ONECUT2: variants seen among roughly 807,000 people sequenced by gnomAD.
ONECUT2 encodes the protein one cut homeobox 2, also known as one cut domain family member 2.
In ONECUT2, 10 loss-of-function variants were observed where a neutral mutation model predicts 27.9. The observed-to-expected ratio is 0.36, with a 90% CI of 0.22 to 0.61. ONECUT2 has a LOEUF of 0.61. Among genes scored for constraint, ONECUT2 ranks in the 20% least tolerant of loss-of-function variants. The probability of loss-of-function intolerance (pLI) is 0.73; values close to 1 mark genes in which losing one functional copy is unlikely to be tolerated. For synonymous variants in ONECUT2, 334 were observed against 315.1 expected (o/e 1.06, Z -0.64); for missense variants, 686 against 721.0 (o/e 0.95, Z 0.56).
At chr18:57,474,183 G>A (rs1478049863) in intron 1 of ONECUT2, among the ~76,000 whole-genome samples, 1 of 152,202 alleles carries the variant, frequency 6.6e-6, no homozygotes, top group African/African-American at 2.4e-5. Flanking sequence ...TTCCCATTCA[G>A]GGGCTCTCCT....
rs6566883 is a variant in ONECUT2, at chr18:57,479,111, A to G, written c.*2388A>G. ...TGTTCAGAGTCTCATCATCAGGGGAAGGAAAGGGAGTGAGGGTCAGGGATA... is the reference window on the plus strand; with the variant it reads ...TGTTCAGAGTCTCATCATCAGGGGAGGGAAAGGGAGTGAGGGTCAGGGATA... On this transcript the variant is annotated 3_prime_UTR_variant, in exon 2 of 2. Transcript: ENST00000491143. The G allele has an allele frequency of 0.11, 16,862 of 152,506 alleles. 1,993 individuals are homozygous for G. The highest frequency in any genetic ancestry group is 0.37 in the East Asian group (1,901 of 5,160). 9.4% of individuals were successfully genotyped at this position (152,506 alleles called of 1,614,324 possible). A position where few individuals can be genotyped will look rare whatever the true frequency, so the allele number is the denominator to read the frequency against.
chr18:57,465,728 G>T (rs912785038), intron 1 of ONECUT2, among the ~76,000 whole-genome samples: 1 of 152,148 alleles, frequency 6.6e-6, no homozygotes, highest in Admixed American at 6.5e-5. Flanking sequence ...CAAATGAGAA[G>T]AGACCCATTC....
chr18:57,449,683 G>A (rs752871016), intron 1 of ONECUT2, among the ~76,000 whole-genome samples: 6 of 152,144 alleles, frequency 3.9e-5, no homozygotes, highest in East Asian at 1.9e-4. Flanking sequence ...AGTTCTCCTC[G>A]TTTTCCTGCT....
intron 1 of ONECUT2, chr18:57,467,292 G>A (rs1050487692): frequency 7.0e-5 from 29 of 416,192 alleles, no homozygotes; most frequent in South Asian, 1.4e-4. Context: ...AAGCAGAGGC[G>A]GCGGTGTGGA....
Position 57,476,364 on chromosome 18 carries a change from T to C in ONECUT2, c.1229-73T>C. ...CGGTTTACATCTCTTTGTACAACTT[T>C]GTCAATGTTTTCCATGGATCACCTT... On this transcript the variant is annotated intron_variant, in intron 1 of 1. Transcript: ENST00000491143. 4 of 1,493,342 alleles carry C rather than the reference T, an allele frequency of 2.7e-6. No individual in the cohort carries two copies. The South Asian group carries it at 5.1e-5, about 19-fold the overall frequency. 92.5% of individuals were successfully genotyped at this position (1,493,342 alleles called of 1,614,324 possible). A position where few individuals can be genotyped will look rare whatever the true frequency, so the allele number is the denominator to read the frequency against.
chr18:57,473,291 G>A (rs2050364197), intron 1 of ONECUT2, among the ~76,000 whole-genome samples: 1 of 152,186 alleles, frequency 6.6e-6, no homozygotes, highest in South Asian at 2.1e-4. Context: ...CGGTGTCAGT[G>A]TCATCACATA....
intron 1 of ONECUT2, among the ~76,000 whole-genome samples, chr18:57,455,865 G>T (rs2050256508): frequency 6.6e-6 from 1 of 152,178 alleles, no homozygotes; most frequent in Non-Finnish European, 1.5e-5. Flanking sequence ...TAGAACTTGG[G>T]TAAGGACAGT....
chr18:57,437,308 C>G (rs2050148355), intron 1 of ONECUT2, among the ~76,000 whole-genome samples: 1 of 152,080 alleles, frequency 6.6e-6, no homozygotes, highest in South Asian at 2.1e-4. Context: ...GGAGCCCTGT[C>G]TTTCCAAGAC....
chr18:57,470,438 A>G (rs2050346959), intron 1 of ONECUT2, among the ~76,000 whole-genome samples: 2 of 152,202 alleles, frequency 1.3e-5, no homozygotes, highest in Non-Finnish European at 2.9e-5. Context: ...ATGGGAATCC[A>G]TACCTCTGCC....
At chr18:57,438,385 G>A (rs564353430) in intron 1 of ONECUT2, among the ~76,000 whole-genome samples, 1 of 152,236 alleles carries the variant, frequency 6.6e-6, no homozygotes, top group Non-Finnish European at 1.5e-5. Context: ...GCATAGCGCG[G>A]GTCTTGGGAT....
In ONECUT2 at chr18:57,476,988, T is replaced by A. The variant is rs2050387002; in HGVS notation, c.*265T>A. The A allele has an allele frequency of 2.2e-6, 1 of 463,922 alleles. No homozygotes were observed. Among genetic ancestry groups the A allele is most frequent in the African/African-American group, 2.0e-5 (1 of 51,218 alleles). 28.7% of individuals were successfully genotyped at this position (463,922 alleles called of 1,614,324 possible). A position where few individuals can be genotyped will look rare whatever the true frequency, so the allele number is the denominator to read the frequency against. On this transcript the variant is annotated 3_prime_UTR_variant, in exon 2 of 2. Coordinates refer to ENST00000491143, the MANE Select transcript of ONECUT2 (RefSeq NM_004852.3). ...CACTGTTCTCTGAGCATGCTAAGCATCCCAGAAACCCAAATGGGGCCTTCC... is the reference window on the plus strand; with the variant it reads ...CACTGTTCTCTGAGCATGCTAAGCAACCCAGAAACCCAAATGGGGCCTTCC...
At position 57,485,699 on chromosome 18, in the gene ONECUT2, C is replaced by A. The variant is rs1388278341; in HGVS notation, c.*8976C>A. On this transcript the variant is annotated 3_prime_UTR_variant, in exon 2 of 2. Coordinates refer to ENST00000491143, the MANE Select transcript of ONECUT2 (RefSeq NM_004852.3). Reference sequence around the variant, plus strand: ...TAAAGAGAGCATTTAGACAAAGAAGCAAAGAGAGGAAGGGACCAATCAACT... The same window carrying A: ...TAAAGAGAGCATTTAGACAAAGAAGAAAAGAGAGGAAGGGACCAATCAACT... 1.3e-5 allele frequency: 2 copies of A among 152,114 alleles called. No homozygotes were observed. The highest frequency in any genetic ancestry group is 4.8e-5 in the African/African-American group (2 of 41,414). The allele number at this position is 152,114 out of a possible 1,614,324, so 9.4% of individuals were successfully genotyped here.
At position 57,485,177 on chromosome 18, in the gene ONECUT2, T is replaced by C. The variant is rs1196584777; in HGVS notation, c.*8454T>C. 1 of 152,180 alleles carries C rather than the reference T, an allele frequency of 6.6e-6. No individual in the cohort carries two copies. Among genetic ancestry groups the C allele is most frequent in the African/African-American group, 2.4e-5 (1 of 41,434 alleles). The allele number at this position is 152,180 out of a possible 1,614,324, so 9.4% of individuals were successfully genotyped here. A position where few individuals can be genotyped will look rare whatever the true frequency, so the allele number is the denominator to read the frequency against. On this transcript the variant is annotated 3_prime_UTR_variant, in exon 2 of 2. Transcript: ENST00000491143. ...TTCTTGGCCTGTTGGCTTTGATTAT[T>C]ATGGGTACTTTAAAGTCAGTATTTA...
At position 57,482,864 on chromosome 18, in the gene ONECUT2, T is replaced by C. The variant is rs1461421030; in HGVS notation, c.*6141T>C. The stretch of plus-strand genomic sequence containing the variant: ...GTATGTGGTACTTCTACAGTGTACA[T>C]TGTTTTCATTATTTATTGTAACATT... On this transcript the variant is annotated 3_prime_UTR_variant, in exon 2 of 2. Coordinates refer to ENST00000491143, the MANE Select transcript of ONECUT2 (RefSeq NM_004852.3). The C allele has an allele frequency of 2.6e-5, 4 of 152,660 alleles. No individual in the cohort carries two copies. Among genetic ancestry groups the C allele is most frequent in the Non-Finnish European group, 5.9e-5 (4 of 68,028 alleles). 9.5% of individuals were successfully genotyped at this position (152,660 alleles called of 1,614,324 possible).
At chr18:57,462,341 G>A (rs1005864059) in intron 1 of ONECUT2, among the ~76,000 whole-genome samples, 2 of 152,174 alleles carry the variant, frequency 1.3e-5, no homozygotes, top group Non-Finnish European at 2.9e-5. Flanking sequence ...TAAGATATCT[G>A]TGGCTCTCCT....
chr18:57,443,151 T>TG (rs1268088455), intron 1 of ONECUT2, among the ~76,000 whole-genome samples: 15 of 152,106 alleles, frequency 9.9e-5, no homozygotes, highest in Non-Finnish European at 1.9e-4. Context: ...AGTGGTATCA[T>TG]GGAGGGGGAT....
At chr18:57,474,960 T>G (rs2612219) in intron 1 of ONECUT2, among the ~76,000 whole-genome samples, 7,052 of 152,158 alleles carry the variant, frequency 0.046, 255 homozygotes, top group Middle Eastern at 0.11. Flanking sequence ...GACTGCCCCA[T>G]CTGGGCCTCT....
intron 1 of ONECUT2, among the ~76,000 whole-genome samples, chr18:57,438,244 C>G (rs980260960): frequency 7.2e-5 from 11 of 152,246 alleles, no homozygotes; most frequent in Non-Finnish European, 1.3e-4. Flanking sequence ...ATGTCCAGGT[C>G]CCCCGCTGGG....
At chr18:57,451,753 C>A (rs963503713) in intron 1 of ONECUT2, among the ~76,000 whole-genome samples, 3 of 152,072 alleles carry the variant, frequency 2.0e-5, no homozygotes, top group Admixed American at 2.0e-4. Flanking sequence ...GACAGGTGGA[C>A]TTTTCTAACT....
Sources: gnomAD v4.1 joint callset for allele counts (sites outside exome capture counted in the v4.1 genomes callset) on GRCh38, gnomAD v4.1.1 for gene constraint, MANE v1.5 for transcripts, NCBI Gene and HGNC (gene_info 2026-07-23, HGNC 2026-07-21) for gene names.